GNB1L: variants seen among roughly 807,000 people sequenced by gnomAD.
GNB1L encodes guanine nucleotide-binding protein subunit beta-like protein 1.
A neutral mutation model predicts 29.1 loss-of-function variants in GNB1L; 20 were observed. That is an observed-to-expected ratio of 0.69 (90% CI 0.48 to 1.00). The LOEUF is 1.00. Among genes scored for constraint, GNB1L ranks in the 50% least tolerant of loss-of-function variants. The pLI, the probability that GNB1L is intolerant of heterozygous loss-of-function variation, is 0.00. For missense variants in GNB1L, 421 were observed against 464.9 expected (o/e 0.91, Z 0.87); for synonymous variants, 193 against 206.5 (o/e 0.93, Z 0.56).
chr22:19,812,451 C>T lies in GNB1L; in HGVS notation c.255-4G>A. ...CAGCTTCAGGTCCCGGCCCTGACTG[C>T]CAGACAAAGAGGAGACAGGCCTGAG... On this transcript the variant is annotated splice_polypyrimidine_tract_variant and splice_region_variant and intron_variant, in intron 4 of 7. Transcript: ENST00000329517. 1.2e-6 allele frequency: 2 copies of T among 1,609,764 alleles called. No individual in the cohort carries two copies. The highest frequency in any genetic ancestry group is 1.7e-6 in the Non-Finnish European group (2 of 1,177,686).
chr22:19,845,795 A>C (rs1937947820), intron 2 of GNB1L, among the ~76,000 whole-genome samples: 1 of 152,204 alleles, frequency 6.6e-6, no homozygotes, highest in African/African-American at 2.4e-5. Flanking sequence ...GGAGAGTGTG[A>C]ACACTGCTGG....
At chr22:19,802,752 T>C (rs189816545) in intron 6 of GNB1L, among the ~76,000 whole-genome samples, 50 of 152,286 alleles carry the variant, frequency 3.3e-4, no homozygotes, top group African/African-American at 1.2e-3. Flanking sequence ...AAATGAACTC[T>C]CTGTGCTTTG....
chr22:19,790,470 G>A (rs1310907250), intron 7 of GNB1L, among the ~76,000 whole-genome samples: 4 of 152,004 alleles, frequency 2.6e-5, no homozygotes, highest in East Asian at 1.9e-4. Flanking sequence ...CTCACTGTAG[G>A]TGCCTATGTT....
At chr22:19,841,279 A>C (rs898748360) in intron 2 of GNB1L, among the ~76,000 whole-genome samples, 9 of 152,240 alleles carry the variant, frequency 5.9e-5, no homozygotes, top group African/African-American at 1.9e-4. Context: ...TGTTTCAAAT[A>C]AAATATATTG....
At chr22:19,850,573 G>A (rs183411752) in intron 2 of GNB1L, 1 of 1,150,378 alleles carries the variant, frequency 8.7e-7, no homozygotes, top group Admixed American at 4.8e-5. Flanking sequence ...AGAACTGCTG[G>A]TAATCCCACA....
intron 2 of GNB1L, among the ~76,000 whole-genome samples, chr22:19,833,473 A>G (rs934600699): frequency 6.6e-5 from 10 of 152,296 alleles, no homozygotes; most frequent in African/African-American, 2.4e-4. Flanking sequence ...TGGGAGGCCA[A>G]GACGGAGGAT....
intron 2 of GNB1L, among the ~76,000 whole-genome samples, chr22:19,833,005 C>T (rs1569051350): frequency 6.6e-6 from 1 of 152,230 alleles, no homozygotes. Flanking sequence ...CCACGGAGGG[C>T]GAGATGGAGC....
In GNB1L at chr22:19,788,609, T is replaced by G; in HGVS notation, c.*100A>C. 6.9e-7 allele frequency: 1 copy of G among 1,441,008 alleles called. No individual in the cohort carries two copies. Among genetic ancestry groups the G allele is most frequent in the Non-Finnish European group, 9.8e-7 (1 of 1,023,112 alleles). The allele number at this position is 1,441,008 out of a possible 1,614,324, so 89.3% of individuals were successfully genotyped here. On this transcript the variant is annotated 3_prime_UTR_variant, in exon 8 of 8. Coordinates refer to ENST00000329517, the MANE Select transcript of GNB1L (RefSeq NM_053004.3). ...ACTCCATGGTCCTTGGGCCATGACT[T>G]GCTGGTCCTCAGAGGCCCTTGAGGT... is the stretch of plus-strand genomic sequence containing the variant.
Position 19,788,945 on chromosome 22 carries a change from C to T in GNB1L, c.748G>A (p.Glu250Lys), listed in dbSNP as rs1266996258. Residue 250 changes from glutamate (E) to lysine (K), a missense_variant, in exon 8 of 8, where the codon GAA becomes AAA. Coordinates refer to ENST00000329517, the MANE Select transcript of GNB1L (RefSeq NM_053004.3). ...QQALQVRGTH[E>K]LTNPGIAEVT... Reference sequence around the variant, plus strand: ...TCGGCGATCCCGGGATTGGTGAGTTCATGAGTCCCACGCACCTGTGAGAGT... The same window carrying T: ...TCGGCGATCCCGGGATTGGTGAGTTTATGAGTCCCACGCACCTGTGAGAGT... 1 of 1,606,784 alleles carries T rather than the reference C, an allele frequency of 6.2e-7. No homozygotes were observed. Among genetic ancestry groups the T allele is most frequent in the East Asian group, 2.2e-5 (1 of 44,712 alleles).
chr22:19,821,356 G>T lies in GNB1L; in HGVS notation c.-1C>A. ...GTGGCGGCGGGCAGGGGGCCGTCAT[G>T]CTGGGCAGGATGCAGTTACCTGGGC... On this transcript the variant is annotated 5_prime_UTR_variant, in exon 3 of 8. Coordinates refer to ENST00000329517, the MANE Select transcript of GNB1L (RefSeq NM_053004.3). 6.2e-7 allele frequency: 1 copy of T among 1,611,934 alleles called. No individual in the cohort carries two copies.
chr22:19,811,762 C>T (rs1295664345), intron 5 of GNB1L, among the ~76,000 whole-genome samples: 2 of 152,128 alleles, frequency 1.3e-5, no homozygotes, highest in African/African-American at 4.8e-5. Flanking sequence ...TGCCTGCACC[C>T]ACCCATCCCA....
chr22:19,821,574 G>C (rs1368384631), intron 2 of GNB1L, among the ~76,000 whole-genome samples, 199 bp from the exon 3 acceptor site: 1 of 152,200 alleles, frequency 6.6e-6, no homozygotes, highest in Non-Finnish European at 1.5e-5. Context: ...TCCCTGCACG[G>C]CGGTGAGCCC....
chr22:19,793,462 G>A (rs1406827187), intron 7 of GNB1L, among the ~76,000 whole-genome samples: 1 of 152,184 alleles, frequency 6.6e-6, no homozygotes, highest in East Asian at 1.9e-4. Flanking sequence ...CTATCAAACT[G>A]TGTAACTCAT....
At chr22:19,846,557 C>T in intron 2 of GNB1L, 1 of 985,488 alleles carries the variant, frequency 1.0e-6, no homozygotes, top group Non-Finnish European at 1.2e-6. Flanking sequence ...ACCAGAGAAG[C>T]CTATCGCGGG....
rs116686751 is a variant in GNB1L at position 19,818,815 on chromosome 22, G to C, written c.254+1783C>G. 2.0e-3 allele frequency among the ~76,000 whole-genome samples: 309 copies of C among 152,234 alleles called. 2 individuals are homozygous for C. The highest frequency in any genetic ancestry group is 7.1e-3 in the African/African-American group (294 of 41,530). ...TCAGGATTCCTGGGCTGGTGGCAGC[G>C]ATCCCCACACAGGGGCAGATGTCAC... On this transcript the variant is annotated intron_variant, in intron 4 of 7. Coordinates refer to ENST00000329517, the MANE Select transcript of GNB1L (RefSeq NM_053004.3).
intron 7 of GNB1L, among the ~76,000 whole-genome samples, chr22:19,801,213 G>A (rs945287473): frequency 6.6e-6 from 1 of 152,184 alleles, no homozygotes; most frequent in African/African-American, 2.4e-5. Flanking sequence ...GCTGGCTATG[G>A]GTCTCAGGCT....
At chr22:19,843,655 C>G (rs1937901396) in intron 2 of GNB1L, among the ~76,000 whole-genome samples, 1 of 152,132 alleles carries the variant, frequency 6.6e-6, no homozygotes. Flanking sequence ...GGCCTGAGGC[C>G]CACAAAGCCC....
At chr22:19,819,108 T>C (rs1213941835) in intron 4 of GNB1L, among the ~76,000 whole-genome samples, 2 of 152,204 alleles carry the variant, frequency 1.3e-5, no homozygotes, top group Non-Finnish European at 2.9e-5. Context: ...CCCTCCCTGC[T>C]CTGCTGCCAG....
Position 19,851,018 on chromosome 22 carries a change from G to A in GNB1L, c.-21+3425C>T, listed in dbSNP as rs953715246. The A allele has an allele frequency of 2.1e-5, 30 of 1,435,808 alleles. No individual in the cohort carries two copies. In the African/African-American group the frequency reaches 3.0e-4, roughly 14 times the overall value. 88.9% of individuals were successfully genotyped at this position (1,435,808 alleles called of 1,614,324 possible). ...GTTGGGGGAGCTGGTTCTGCTCAGC[G>A]CAGAGTCCAAAACAAGCGCATCTTG... is the stretch of plus-strand genomic sequence containing the variant. On this transcript the variant is annotated intron_variant, in intron 2 of 7. Transcript: ENST00000329517.
Sources: allele counts gnomAD v4.1 joint callset (sites outside exome capture counted in the v4.1 genomes callset), GRCh38; gene constraint gnomAD v4.1.1; transcripts MANE v1.5; gene names NCBI Gene and HGNC (gene_info 2026-07-23, HGNC 2026-07-21).